Variants in ZFHX3 observed in about 807,000 individuals in gnomAD.
ZFHX3 encodes the protein zinc finger homeobox 3, also known as zinc finger homeobox protein 3.
ZFHX3 carries 42 observed loss-of-function variants against 279.1 expected under a neutral mutation model. The observed-to-expected ratio is 0.15, with a 90% CI of 0.12 to 0.19. The LOEUF is 0.19. Ranked by LOEUF, ZFHX3 falls within the 10% of genes least tolerant of loss-of-function variation. The pLI is 1.00. For synonymous variants in ZFHX3, 2,293 were observed against 1,957.8 expected, an observed-to-expected ratio of 1.17 and a Z score of -4.52; for missense variants, 4,981 against 4,754.0, an observed-to-expected ratio of 1.05 and a Z score of -1.40.
chr16:73,648,472 C>T (rs887037585), intron 2 of ZFHX3, among the ~76,000 whole-genome samples: 8 of 152,208 alleles, frequency 5.3e-5, no homozygotes, highest in African/African-American at 1.7e-4. Context: ...TCACTGCAAC[C>T]TCGGCCTCCT....
At chr16:73,682,644 G>T (rs112712943) in intron 1 of ZFHX3, among the ~76,000 whole-genome samples, 1 of 151,630 alleles carries the variant, frequency 6.6e-6, no homozygotes, top group South Asian at 2.1e-4. Flanking sequence ...AAAATGAGCC[G>T]GTCATGGTGG....
chr16:73,707,706 G>A (rs932430068), intron 1 of ZFHX3, among the ~76,000 whole-genome samples: 14 of 151,578 alleles, frequency 9.2e-5, no homozygotes, highest in Middle Eastern at 3.4e-3. Context: ...AAACCTGCAC[G>A]TTGTGCACAT....
intron 2 of ZFHX3, among the ~76,000 whole-genome samples, chr16:73,642,406 T>C (rs1362816589): frequency 1.3e-5 from 2 of 152,216 alleles, no homozygotes; most frequent in Admixed American, 6.5e-5. Context: ...TTCTGTCATA[T>C]TGACATGCTC....
At chr16:73,474,347 C>T (rs1472632483) in intron 2 of ZFHX3, among the ~76,000 whole-genome samples, 1 of 152,090 alleles carries the variant, frequency 6.6e-6, no homozygotes, top group Admixed American at 6.5e-5. Context: ...GGAGGTTTCA[C>T]CATATTGGCC....
At chr16:72,894,500 A>C (rs1052631502) in intron 3 of ZFHX3, among the ~76,000 whole-genome samples, 3 of 152,178 alleles carry the variant, frequency 2.0e-5, no homozygotes, top group Admixed American at 2.0e-4. Context: ...CCACCCTTGG[A>C]ACCTGCCTAA....
intron 1 of ZFHX3, among the ~76,000 whole-genome samples, chr16:73,792,492 A>G (rs1021699962): frequency 1.3e-5 from 2 of 152,222 alleles, no homozygotes; most frequent in African/African-American, 4.8e-5. Context: ...AAAATAAGAG[A>G]GGAAAGTTTT....
intron 1 of ZFHX3, among the ~76,000 whole-genome samples, chr16:73,747,775 A>G (rs1433003262): frequency 1.3e-5 from 2 of 152,224 alleles, no homozygotes; most frequent in African/African-American, 2.4e-5. Flanking sequence ...TATTGCCAAA[A>G]GAGAATTTCT....
chr16:72,947,556 A>T (rs1960751286), intron 3 of ZFHX3, among the ~76,000 whole-genome samples: 1 of 152,280 alleles, frequency 6.6e-6, no homozygotes, highest in East Asian at 1.9e-4. Flanking sequence ...AAAAAGGAAC[A>T]GGAGGAGAAT....
chr16:73,446,898 A>G (rs2018195884), intron 3 of ZFHX3, among the ~76,000 whole-genome samples: 1 of 152,108 alleles, frequency 6.6e-6, no homozygotes, highest in African/African-American at 2.4e-5. Context: ...AAAACAAAAA[A>G]GGCTGGGCAC....
intron 2 of ZFHX3, chr16:73,558,433 AAT>A (rs2020318959): frequency 1.3e-5 from 2 of 152,228 alleles, no homozygotes; most frequent in African/African-American, 2.4e-5. Flanking sequence ...GTGGGAGGGC[AAT>A]GCTTTGCCTT....
intron 2 of ZFHX3, among the ~76,000 whole-genome samples, chr16:73,544,552 G>A (rs2020077399): frequency 6.6e-6 from 1 of 152,068 alleles, no homozygotes; most frequent in South Asian, 2.1e-4. Flanking sequence ...TTGCTATTCT[G>A]GGGCAAACCC....
chr16:72,940,535 C>T (rs1442192447), intron 3 of ZFHX3, among the ~76,000 whole-genome samples: 1 of 152,092 alleles, frequency 6.6e-6, no homozygotes, highest in Admixed American at 6.5e-5. Context: ...ACACGTGCCA[C>T]CAAGAAAACT....
intron 5 of ZFHX3, among the ~76,000 whole-genome samples, chr16:72,812,566 A>T (rs2036491177): frequency 6.6e-6 from 1 of 152,224 alleles, no homozygotes; most frequent in Non-Finnish European, 1.5e-5. Flanking sequence ...GAGTATCAGC[A>T]CACCAAATAT....
intron 8 of ZFHX3, among the ~76,000 whole-genome samples, chr16:73,077,111 T>A (rs2144761763): frequency 6.6e-6 from 1 of 152,290 alleles, no homozygotes; most frequent in South Asian, 2.1e-4. Flanking sequence ...AGGAGCTCAG[T>A]TGCCCTCTAG....
At position 72,948,759 on chromosome 16, in the gene ZFHX3, G is replaced by A. The variant is rs145283544; in HGVS notation, c.3216+1710C>T. 1.4e-4 allele frequency among the ~76,000 whole-genome samples: 21 copies of A among 152,270 alleles called. 1 individual carries two copies. Among genetic ancestry groups the A allele is most frequent in the African/African-American group, 4.8e-4 (20 of 41,560 alleles). On this transcript the variant is annotated intron_variant, in intron 3 of 9. Transcript: ENST00000268489. ...GCATGCAACCTTCAATGGCCACGCC[G>A]AGTCCTTTGTACAAATTTTACTCAG... is the stretch of plus-strand genomic sequence containing the variant.
At chr16:73,800,870 T>G (rs1245839485) in intron 1 of ZFHX3, among the ~76,000 whole-genome samples, 1 of 152,184 alleles carries the variant, frequency 6.6e-6, no homozygotes, top group East Asian at 1.9e-4. Context: ...GAAGGGACAC[T>G]CTGCTTTTTG....
chr16:73,555,473 G>A (rs1209268740), intron 2 of ZFHX3, among the ~76,000 whole-genome samples: 5 of 151,428 alleles, frequency 3.3e-5, no homozygotes, highest in Non-Finnish European at 7.4e-5. Flanking sequence ...GTATTTTTAA[G>A]AGGCTCTCTG....
intron 3 of ZFHX3, among the ~76,000 whole-genome samples, chr16:73,355,599 A>C (rs2016326678): frequency 6.6e-6 from 1 of 152,206 alleles, no homozygotes; most frequent in African/African-American, 2.4e-5. Context: ...TAGAAAAGGC[A>C]CTTTCTGTGA....
chr16:73,035,376 A>T (rs1405193402), intron 1 of ZFHX3, among the ~76,000 whole-genome samples: 1 of 152,174 alleles, frequency 6.6e-6, no homozygotes, highest in Admixed American at 6.5e-5. Flanking sequence ...CTGTCTTTCA[A>T]CTTCAGATTC....
Sources: gnomAD v4.1 joint callset for allele counts (sites outside exome capture counted in the v4.1 genomes callset) on GRCh38, gnomAD v4.1.1 for gene constraint, MANE v1.5 for transcripts, NCBI Gene and HGNC (gene_info 2026-07-23, HGNC 2026-07-21) for gene names.